The following CLINT1 variants were observed in gnomAD, a reference collection of about 807,000 sequenced individuals.
CLINT1 encodes the protein clathrin interactor 1.
A neutral mutation model predicts 70.4 loss-of-function variants in CLINT1; 15 were observed. The ratio of observed to expected loss-of-function variants is 0.21; its 90% CI spans 0.14 to 0.33. The LOEUF is 0.33. Ranked by LOEUF, CLINT1 falls within the 10% of genes least tolerant of loss-of-function variation. CLINT1 has a pLI of 1.00. For missense variants in CLINT1, 615 were observed against 778.1 expected, an observed-to-expected ratio of 0.79 and a Z score of 2.49; for synonymous variants, 227 against 254.7, an observed-to-expected ratio of 0.89 and a Z score of 1.04.
chr5:157,788,416 T>C (rs1761792406), intron 11 of CLINT1, among the ~76,000 whole-genome samples: 1 of 152,178 alleles, frequency 6.6e-6, no homozygotes, highest in Non-Finnish European at 1.5e-5. Context: ...AAAGTTTATA[T>C]CCTTTGACTT....
At chr5:157,830,784 C>CTA (rs1763208420) in intron 1 of CLINT1, among the ~76,000 whole-genome samples, 9 of 133,564 alleles carry the variant, frequency 6.7e-5, no homozygotes, top group African/African-American at 2.5e-4. Flanking sequence ...CTCTCTCTCT[C>CTA]TCTCTCTCTC....
At chr5:157,856,789 A>T (rs1753773507) in intron 1 of CLINT1, among the ~76,000 whole-genome samples, 1 of 152,208 alleles carries the variant, frequency 6.6e-6, no homozygotes, top group African/African-American at 2.4e-5. Flanking sequence ...TATGTTCTTG[A>T]ATAATTTGGT....
chr5:157,816,646 A>G, intron 3 of CLINT1, 88 bp downstream of exon 3: 1 of 799,020 alleles, frequency 1.3e-6, no homozygotes, highest in Non-Finnish European at 2.1e-6. Context: ...GATTTAATAT[A>G]CTTCAAAATC....
At chr5:157,807,297 C>T (rs1442372883) in intron 6 of CLINT1, among the ~76,000 whole-genome samples, 1 of 152,020 alleles carries the variant, frequency 6.6e-6, no homozygotes, top group Non-Finnish European at 1.5e-5. Flanking sequence ...CATTCAAAAG[C>T]CCTTACTAAC....
chr5:157,825,605 T>C (rs1334215891), intron 1 of CLINT1, among the ~76,000 whole-genome samples: 1 of 152,192 alleles, frequency 6.6e-6, no homozygotes, highest in East Asian at 1.9e-4. Context: ...TCTAGCTGCC[T>C]GTTCGTATGA....
chr5:157,806,712 A>T (rs1032052688), intron 6 of CLINT1, among the ~76,000 whole-genome samples: 3 of 152,246 alleles, frequency 2.0e-5, no homozygotes, highest in Non-Finnish European at 4.4e-5. Flanking sequence ...ATTTTACTAT[A>T]GTATCAGGAG....
At chr5:157,813,035 T>C (rs2113204719) in intron 5 of CLINT1, 28 bp downstream of exon 5, 1 of 1,602,748 alleles carries the variant, frequency 6.2e-7, no homozygotes, top group East Asian at 2.2e-5. Flanking sequence ...AGCTGATGCT[T>C]AGGTGTCAGC....
chr5:157,820,866 A>AAC (rs970465714), intron 1 of CLINT1, among the ~76,000 whole-genome samples: 7 of 152,164 alleles, frequency 4.6e-5, no homozygotes, highest in African/African-American at 1.2e-4. Flanking sequence ...CGGTTTCTTA[A>AAC]ACACACACAC....
chr5:157,819,036 T>G (rs542175382), intron 1 of CLINT1, among the ~76,000 whole-genome samples: 1 of 152,276 alleles, frequency 6.6e-6, no homozygotes, highest in African/African-American at 2.4e-5. Flanking sequence ...TGCTATATGG[T>G]TTTTCAGTCA....
intron 1 of CLINT1, among the ~76,000 whole-genome samples, chr5:157,834,548 C>A (rs1166862396): frequency 6.6e-6 from 1 of 152,146 alleles, no homozygotes. Context: ...ACCTATCTAG[C>A]CTTTTCTCTC....
intron 10 of CLINT1, among the ~76,000 whole-genome samples, chr5:157,791,016 T>C (rs1191628606): frequency 6.6e-6 from 1 of 152,290 alleles, no homozygotes; most frequent in East Asian, 1.9e-4. Flanking sequence ...GAAATTTTAC[T>C]AAGTGGATAC....
rs554991991 is a variant in CLINT1, at chr5:157,833,021, A to G, written c.42-15474T>C. On this transcript the variant is annotated intron_variant, in intron 1 of 11. Transcript: ENST00000411809. ...CCTTACTAATTGAAACTGAGCTCCT[A>G]TTTTAAATCTAGTAAAGGCTTCCTT... 5.9e-5 allele frequency among the ~76,000 whole-genome samples: 9 copies of G among 152,296 alleles called. No homozygotes were observed. The South Asian group carries it at 1.2e-3, about 21-fold the overall frequency.
Position 157,800,718 on chromosome 5 carries a change from T to C in CLINT1, c.1012+2932A>G, listed in dbSNP as rs572192242. ...ATTTCATTCAAACTTTCTCAGTTAC[T>C]ATATTAATATCAATTGCTACTTCTA... is the stretch of plus-strand genomic sequence containing the variant. On this transcript the variant is annotated intron_variant, in intron 8 of 11. Transcript: ENST00000411809. 8.5e-5 allele frequency among the ~76,000 whole-genome samples: 13 copies of C among 152,336 alleles called. No homozygotes were observed. The South Asian group carries it at 2.5e-3, about 29-fold the overall frequency.
chr5:157,841,325 G>C (rs1313325293), intron 1 of CLINT1, among the ~76,000 whole-genome samples: 3 of 151,500 alleles, frequency 2.0e-5, no homozygotes, highest in Non-Finnish European at 1.5e-5. Context: ...CAGCACTTTG[G>C]GAGGCCGAGG....
In CLINT1 at chr5:157,830,625, C is replaced by T. The variant is rs149780099; in HGVS notation, c.42-13078G>A. Among the ~76,000 whole-genome samples, 127 of 151,876 alleles carry T rather than the reference C, an allele frequency of 8.4e-4. 1 individual carries two copies. The highest frequency in any genetic ancestry group is 3.4e-3 in the Middle Eastern group (1 of 292). ...GCAAGATGGTTCACGGCTGTAATCC[C>T]AGCACTTTGGGAGGCCAAGGTGGGG... On this transcript the variant is annotated intron_variant, in intron 1 of 11. Transcript: ENST00000411809.
chr5:157,787,512 C>CTTTTTT lies in CLINT1; in HGVS notation c.*133_*134insAAAAAA. 2.5e-6 allele frequency: 2 copies of CTTTTTT among 798,560 alleles called. No individual in the cohort carries two copies. Among genetic ancestry groups the CTTTTTT allele is most frequent in the Non-Finnish European group, 4.0e-6 (2 of 501,756 alleles). The allele number at this position is 798,560 out of a possible 1,614,324, so 49.5% of individuals were successfully genotyped here. A position where few individuals can be genotyped will look rare whatever the true frequency, so the allele number is the denominator to read the frequency against. On this transcript the variant is annotated 3_prime_UTR_variant, in exon 12 of 12. Coordinates refer to ENST00000411809, the MANE Select transcript of CLINT1 (RefSeq NM_014666.4). ...GGATATTTCACTTTTATAAAACAGC[C>CTTTTTT]TTTTTGGTTCTTTATGTAGATTTAT...
At chr5:157,805,130 G>C (rs1215822297) in intron 7 of CLINT1, among the ~76,000 whole-genome samples, 1 of 152,124 alleles carries the variant, frequency 6.6e-6, no homozygotes, top group Non-Finnish European at 1.5e-5. Context: ...AGCAGGCCTG[G>C]TTTTATTTTC....
At chr5:157,798,992 CT>C (rs1315650141) in intron 8 of CLINT1, among the ~76,000 whole-genome samples, 5 of 151,988 alleles carry the variant, frequency 3.3e-5, no homozygotes, top group Non-Finnish European at 5.9e-5. Context: ...AAATAAATGA[CT>C]AAAACCCAGA....
chr5:157,849,555 T>C (rs1753501060), intron 1 of CLINT1, among the ~76,000 whole-genome samples: 1 of 152,242 alleles, frequency 6.6e-6, no homozygotes, highest in East Asian at 1.9e-4. Context: ...TATGCCTGTA[T>C]AACAATTTTT....
Sources: gnomAD v4.1 joint callset for allele counts (sites outside exome capture counted in the v4.1 genomes callset) on GRCh38, gnomAD v4.1.1 for gene constraint, MANE v1.5 for transcripts, NCBI Gene and HGNC (gene_info 2026-07-23, HGNC 2026-07-21) for gene names.